Variants in KHDRBS2 observed in about 807,000 individuals in gnomAD.
KHDRBS2 encodes the protein KH RNA binding domain containing, signal transduction associated 2.
KHDRBS2 carries 26 observed loss-of-function variants against 44.3 expected under a neutral mutation model. That is an observed-to-expected ratio of 0.59 (90% CI 0.43 to 0.81). The LOEUF is 0.81. Ranked by LOEUF, KHDRBS2 falls within the 40% of genes least tolerant of loss-of-function variation. The pLI is 0.00. For missense variants in KHDRBS2, 476 were observed against 433.1 expected (o/e 1.10, Z -0.88); for synonymous variants, 194 against 151.1 (o/e 1.28, Z -2.08).
At chr6:62,281,367 A>G (rs1203502667) in intron 1 of KHDRBS2, among the ~76,000 whole-genome samples, 2 of 152,092 alleles carry the variant, frequency 1.3e-5, no homozygotes, top group African/African-American at 4.8e-5. Context: ...CATGCCTGTA[A>G]TCCTAGCACT....
intron 1 of KHDRBS2, among the ~76,000 whole-genome samples, chr6:62,260,047 C>T (rs548949203): frequency 2.9e-4 from 44 of 152,040 alleles, no homozygotes; most frequent in African/African-American, 9.9e-4. Context: ...ATACATAGAA[C>T]CTAGGCTTTG....
At chr6:61,768,668 G>A (rs1780364293) in intron 6 of KHDRBS2, among the ~76,000 whole-genome samples, 1 of 151,948 alleles carries the variant, frequency 6.6e-6, no homozygotes, top group Admixed American at 6.6e-5. Flanking sequence ...TTTTCAGTGT[G>A]TCAATTGCAT....
intron 2 of KHDRBS2, among the ~76,000 whole-genome samples, chr6:62,163,593 T>C (rs1035765983): frequency 1.3e-5 from 2 of 152,026 alleles, no homozygotes; most frequent in African/African-American, 4.8e-5. Flanking sequence ...TGCTTTTCCG[T>C]CTGTGGGCCT....
chr6:62,169,111 A>T (rs1336328125), intron 2 of KHDRBS2, among the ~76,000 whole-genome samples: 1 of 142,448 alleles, frequency 7.0e-6, no homozygotes, highest in Non-Finnish European at 1.5e-5. Flanking sequence ...ATATACACAT[A>T]TATGTGTGTA....
the KHDRBS2 span, among the ~76,000 whole-genome samples, chr6:61,559,164 T>C: frequency 1.3e-5 from 2 of 152,184 alleles, no homozygotes; most frequent in Non-Finnish European, 2.9e-5. Context: ...TATCATTATA[T>C]AGTGAACTAT....
At chr6:62,240,185 G>T (rs776046909) in intron 1 of KHDRBS2, among the ~76,000 whole-genome samples, 68 of 152,146 alleles carry the variant, frequency 4.5e-4, no homozygotes, top group Admixed American at 1.9e-3. Context: ...TCCAATATTG[G>T]TTTATTTATC....
intron 2 of KHDRBS2, among the ~76,000 whole-genome samples, chr6:62,091,090 T>C (rs1447618963): frequency 1.3e-5 from 2 of 152,144 alleles, no homozygotes; most frequent in African/African-American, 4.8e-5. Context: ...AGAGCAAGAA[T>C]ACTATCTGGG....
At chr6:61,791,876 T>C (rs1336803618) in intron 6 of KHDRBS2, among the ~76,000 whole-genome samples, 1 of 151,548 alleles carries the variant, frequency 6.6e-6, no homozygotes, top group Non-Finnish European at 1.5e-5. Context: ...ATATTTGCCT[T>C]TTAATTTAGT....
intron 4 of KHDRBS2, among the ~76,000 whole-genome samples, chr6:61,936,743 T>C (rs1811104600): frequency 1.3e-5 from 2 of 152,058 alleles, no homozygotes; most frequent in African/African-American, 4.8e-5. Context: ...TGAAAGTCAA[T>C]AATTATTTCC....
At chr6:61,831,572 A>G (rs1286601159) in intron 6 of KHDRBS2, among the ~76,000 whole-genome samples, 3 of 152,144 alleles carry the variant, frequency 2.0e-5, no homozygotes, top group Non-Finnish European at 4.4e-5. Context: ...TGACTAATAC[A>G]TGAACCTTCA....
intron 8 of KHDRBS2, 78 bp from the exon 9 acceptor site, chr6:61,681,138 A>G (rs1389689535): frequency 1.0e-6 from 1 of 972,924 alleles, no homozygotes; most frequent in Non-Finnish European, 1.6e-6. Flanking sequence ...ACAATAGTTG[A>G]CCGAGAAAAA....
At chr6:61,908,353 G>A (rs1805405999) in intron 4 of KHDRBS2, among the ~76,000 whole-genome samples, 1 of 152,038 alleles carries the variant, frequency 6.6e-6, no homozygotes, top group Middle Eastern at 3.2e-3. Context: ...TCAATACATA[G>A]GCTGGGCGTG....
At chr6:62,275,820 A>G (rs72870800) in intron 1 of KHDRBS2, among the ~76,000 whole-genome samples, 2 of 152,288 alleles carry the variant, frequency 1.3e-5, no homozygotes, top group Non-Finnish European at 2.9e-5. Flanking sequence ...TGCTTTTTAA[A>G]AAATCCAAAT....
chr6:61,547,529 C>T, the KHDRBS2 span, among the ~76,000 whole-genome samples: 1 of 152,184 alleles, frequency 6.6e-6, no homozygotes, highest in African/African-American at 2.4e-5. Flanking sequence ...TAAGTAGACT[C>T]CTTAATGAAA....
the KHDRBS2 span, among the ~76,000 whole-genome samples, chr6:61,603,054 C>T: frequency 2.0e-5 from 3 of 152,112 alleles, no homozygotes; most frequent in African/African-American, 7.2e-5. Context: ...CTTACCATCC[C>T]ATTAAAACCT....
At chr6:61,580,648 T>A in the KHDRBS2 span, among the ~76,000 whole-genome samples, 1 of 151,296 alleles carries the variant, frequency 6.6e-6, no homozygotes. Context: ...AACAAACAAC[T>A]CCAGACACCA....
intron 2 of KHDRBS2, among the ~76,000 whole-genome samples, chr6:62,171,094 G>A (rs1819907676): frequency 6.6e-6 from 1 of 151,948 alleles, no homozygotes; most frequent in Admixed American, 6.6e-5. Context: ...AACTTAATTA[G>A]TTCCCCAACA....
intron 2 of KHDRBS2, among the ~76,000 whole-genome samples, chr6:62,113,723 C>T (rs1416272322): frequency 6.6e-6 from 1 of 151,956 alleles, no homozygotes; most frequent in African/African-American, 2.4e-5. Context: ...AATTAACTGA[C>T]AAATCAGCAG....
chr6:61,658,833 A>G, the KHDRBS2 span, among the ~76,000 whole-genome samples: 72 of 151,840 alleles, frequency 4.7e-4, no homozygotes, highest in African/African-American at 1.6e-3. Context: ...ACAGATTTAC[A>G]TTAACTTTGT....
Sources: allele counts gnomAD v4.1 joint callset (sites outside exome capture counted in the v4.1 genomes callset), GRCh38; gene constraint gnomAD v4.1.1; transcripts MANE v1.5; gene names NCBI Gene and HGNC (gene_info 2026-07-23, HGNC 2026-07-21).